Variants in CDH12 observed in about 807,000 individuals in gnomAD.
The protein encoded by CDH12 is cadherin-12.
A neutral mutation model predicts 74.1 loss-of-function variants in CDH12; 41 were observed. The observed-to-expected ratio is 0.55, with a 90% CI of 0.43 to 0.72. CDH12 has a LOEUF of 0.72. Among genes scored for constraint, CDH12 ranks in the 30% least tolerant of loss-of-function variants. The probability of loss-of-function intolerance (pLI) is 0.00; values close to 1 mark genes in which losing one functional copy is unlikely to be tolerated. For synonymous variants in CDH12, 399 were observed against 355.0 expected (o/e 1.12, Z -1.39); for missense variants, 945 against 977.2 (o/e 0.97, Z 0.44).
intron 6 of CDH12, among the ~76,000 whole-genome samples, chr5:21,875,371 T>G (rs1751873723): frequency 1.3e-5 from 2 of 152,192 alleles, no homozygotes; most frequent in South Asian, 4.1e-4. Flanking sequence ...ATAAATTTCT[T>G]AGCTTAATAA....
chr5:22,836,644 A>G (rs543865096), intron 1 of CDH12, among the ~76,000 whole-genome samples: 2 of 152,254 alleles, frequency 1.3e-5, no homozygotes, highest in African/African-American at 4.8e-5. Context: ...AGCCGTGTAA[A>G]CTAACAATTG....
At chr5:22,404,764 C>T (rs571030931) in intron 3 of CDH12, among the ~76,000 whole-genome samples, 5 of 152,220 alleles carry the variant, frequency 3.3e-5, no homozygotes, top group South Asian at 2.1e-4. Context: ...GGAATGCCAG[C>T]GTTTCTGTGT....
At chr5:22,347,794 T>C (rs905463277) in intron 3 of CDH12, among the ~76,000 whole-genome samples, 7 of 152,188 alleles carry the variant, frequency 4.6e-5, no homozygotes, top group Admixed American at 3.3e-4. Flanking sequence ...GTAGTATTAC[T>C]GATACTAAAT....
At chr5:22,042,061 C>A (rs1739611950) in intron 5 of CDH12, among the ~76,000 whole-genome samples, 1 of 151,908 alleles carries the variant, frequency 6.6e-6, no homozygotes, top group Non-Finnish European at 1.5e-5. Flanking sequence ...ACAATCAATG[C>A]ATCATAAATA....
At chr5:22,021,553 T>C (rs980172658) in intron 5 of CDH12, among the ~76,000 whole-genome samples, 1 of 152,202 alleles carries the variant, frequency 6.6e-6, no homozygotes, top group African/African-American at 2.4e-5. Flanking sequence ...TTTACAATTA[T>C]GTGATACACA....
intron 1 of CDH12, among the ~76,000 whole-genome samples, chr5:22,708,975 G>C (rs1417407113): frequency 3.3e-5 from 5 of 152,154 alleles, no homozygotes; most frequent in African/African-American, 1.2e-4. Flanking sequence ...CTGACAGAAA[G>C]AGCACAGGGG....
At chr5:22,263,165 C>A (rs1753585974) in intron 3 of CDH12, among the ~76,000 whole-genome samples, 1 of 152,062 alleles carries the variant, frequency 6.6e-6, no homozygotes, top group African/African-American at 2.4e-5. Context: ...TGTAAATACA[C>A]AATCAAATAG....
chr5:22,776,444 T>C (rs1204710823), intron 1 of CDH12, among the ~76,000 whole-genome samples: 1 of 152,130 alleles, frequency 6.6e-6, no homozygotes, highest in Non-Finnish European at 1.5e-5. Flanking sequence ...TGTGTGCATG[T>C]GTATAGAATT....
intron 6 of CDH12, chr5:21,889,672 C>T (rs565482367): frequency 1.0e-6 from 1 of 985,012 alleles, no homozygotes; most frequent in South Asian, 4.7e-5. Context: ...GAATGCTGAA[C>T]AAAATCAGAA....
chr5:22,287,421 T>C (rs1737188798), intron 3 of CDH12, among the ~76,000 whole-genome samples: 1 of 152,040 alleles, frequency 6.6e-6, no homozygotes, highest in South Asian at 2.1e-4. Flanking sequence ...AATATAAAAT[T>C]AATTTAATAA....
chr5:21,922,984 A>ATATC (rs1561301664), intron 6 of CDH12, among the ~76,000 whole-genome samples: 7 of 84,958 alleles, frequency 8.2e-5, no homozygotes, highest in African/African-American at 2.9e-4. Context: ...ATATCTATAT[A>ATATC]TGGAGAGAAG....
intron 5 of CDH12, among the ~76,000 whole-genome samples, chr5:21,989,008 G>T (rs1427538712): frequency 1.3e-5 from 2 of 152,082 alleles, no homozygotes; most frequent in Non-Finnish European, 2.9e-5. Context: ...GTTCACTAAA[G>T]TTCATGGATT....
intron 6 of CDH12, among the ~76,000 whole-genome samples, chr5:21,873,309 T>C (rs1425451691): frequency 6.6e-6 from 1 of 152,182 alleles, no homozygotes; most frequent in East Asian, 1.9e-4. Flanking sequence ...CCTTTTTTTC[T>C]GGCTAATAAT....
chr5:21,759,171 T>A (rs1390929489), intron 13 of CDH12, among the ~76,000 whole-genome samples: 1 of 152,148 alleles, frequency 6.6e-6, no homozygotes, highest in Non-Finnish European at 1.5e-5. Flanking sequence ...TTCCATATCA[T>A]GTTAAATAAT....
intron 11 of CDH12, among the ~76,000 whole-genome samples, 163 bp from the exon 12 acceptor site, chr5:21,765,262 A>T (rs1452591422): frequency 6.6e-6 from 1 of 152,140 alleles, no homozygotes; most frequent in Non-Finnish European, 1.5e-5. Context: ...ATGATAAAGG[A>T]TCCTTTTTAT....
At chr5:22,344,592 C>G (rs971043917) in intron 3 of CDH12, among the ~76,000 whole-genome samples, 1 of 152,116 alleles carries the variant, frequency 6.6e-6, no homozygotes, top group Non-Finnish European at 1.5e-5. Context: ...TAGCTTTGAA[C>G]TACCAAGCAT....
At chr5:22,684,703 C>T (rs544054401) in intron 1 of CDH12, among the ~76,000 whole-genome samples, 1 of 152,284 alleles carries the variant, frequency 6.6e-6, no homozygotes, top group African/African-American at 2.4e-5. Context: ...TAAATTTCTG[C>T]AAATTATACC....
intron 7 of CDH12, among the ~76,000 whole-genome samples, chr5:21,850,143 G>A (rs1750385145): frequency 6.6e-6 from 1 of 151,588 alleles, no homozygotes; most frequent in African/African-American, 2.4e-5. Flanking sequence ...ATAAGGGTCA[G>A]GGTATGGGAG....
intron 2 of CDH12, among the ~76,000 whole-genome samples, chr5:22,447,475 T>C (rs566243571): frequency 2.6e-5 from 4 of 152,114 alleles, no homozygotes; most frequent in African/African-American, 9.7e-5. Flanking sequence ...TGAATTGATA[T>C]AAAAAATTCT....
Sources: gnomAD v4.1 joint callset for allele counts (sites outside exome capture counted in the v4.1 genomes callset) on GRCh38, gnomAD v4.1.1 for gene constraint, MANE v1.5 for transcripts, NCBI Gene and HGNC (gene_info 2026-07-23, HGNC 2026-07-21) for gene names.